The following LARGE1 variants were observed in gnomAD, a reference collection of about 807,000 sequenced individuals.
LARGE1 encodes the protein LARGE xylosyl- and glucuronyltransferase 1.
LARGE1 carries 43 observed loss-of-function variants against 87.6 expected under a neutral mutation model. The observed-to-expected ratio is 0.49, with a 90% CI of 0.38 to 0.63. The LOEUF is 0.63. Among genes scored for constraint, LARGE1 ranks in the 30% least tolerant of loss-of-function variants. The pLI is 0.00. For missense variants in LARGE1, 802 were observed against 1,000.2 expected (o/e 0.80, Z 2.67); for synonymous variants, 434 against 394.6 (o/e 1.10, Z -1.18).
At chr22:33,881,969 A>G (rs2146762063) in intron 1 of LARGE1, among the ~76,000 whole-genome samples, 1 of 152,134 alleles carries the variant, frequency 6.6e-6, no homozygotes, top group East Asian at 1.9e-4. Context: ...AGAGGAGAGG[A>G]GGTACTAACA....
At chr22:33,592,981 A>G (rs2148927525) in intron 5 of LARGE1, among the ~76,000 whole-genome samples, 1 of 152,210 alleles carries the variant, frequency 6.6e-6, no homozygotes, top group South Asian at 2.1e-4. Context: ...CTGGGACTAG[A>G]GGTGCCCACC....
At chr22:33,288,492 C>T (rs1311273884) in intron 12 of LARGE1, among the ~76,000 whole-genome samples, 1 of 152,158 alleles carries the variant, frequency 6.6e-6, no homozygotes, top group Non-Finnish European at 1.5e-5. Flanking sequence ...CATATTGATA[C>T]ATATATTACT....
In LARGE1 at chr22:33,432,035, C is replaced by A. The variant is rs2067098042; in HGVS notation, c.892+126G>T. The A allele has an allele frequency of 5.3e-6, 4 of 758,806 alleles. No individual in the cohort carries two copies. In the African/African-American group the frequency reaches 6.9e-5, roughly 13 times the overall value. The allele number at this position is 758,806 out of a possible 1,614,324, so 47.0% of individuals were successfully genotyped here. Reference sequence around the variant, plus strand: ...GGAATGCAAACTGCCCACAAACCATCCACCACTGAATTCAAGCAATCAGGT... The same window carrying A: ...GGAATGCAAACTGCCCACAAACCATACACCACTGAATTCAAGCAATCAGGT... On this transcript the variant is annotated intron_variant, in intron 7 of 14. Coordinates refer to ENST00000397394, the MANE Select transcript of LARGE1 (RefSeq NM_133642.5).
the LARGE1 span, among the ~76,000 whole-genome samples, chr22:33,147,874 A>C: frequency 1.3e-5 from 2 of 152,208 alleles, no homozygotes; most frequent in African/African-American, 4.8e-5. Flanking sequence ...AACAAAGCAA[A>C]TCTATTCCAT....
At chr22:33,889,806 T>TCATA (rs1458559885) in intron 1 of LARGE1, among the ~76,000 whole-genome samples, 2 of 152,204 alleles carry the variant, frequency 1.3e-5, no homozygotes, top group African/African-American at 4.8e-5. Context: ...ATTCATTCAT[T>TCATA]CATAACTTTC....
intron 7 of LARGE1, among the ~76,000 whole-genome samples, chr22:33,419,314 G>C (rs1412104924): frequency 6.6e-6 from 1 of 151,810 alleles, no homozygotes; most frequent in Non-Finnish European, 1.5e-5. Flanking sequence ...ATGAGATCTG[G>C]GTGGAGACAC....
At chr22:33,162,195 C>T (rs1306086874), downstream of LARGE1, 1 of 152,126 alleles carries the variant, frequency 6.6e-6, no homozygotes, top group Non-Finnish European at 1.5e-5. Context: ...TCCATTCTCA[C>T]ACTGCTATAA....
chr22:33,280,983 C>T (rs971296086), intron 13 of LARGE1, among the ~76,000 whole-genome samples: 1 of 152,202 alleles, frequency 6.6e-6, no homozygotes, highest in African/African-American at 2.4e-5. Context: ...AGCCACCGCC[C>T]TAGAGGACTT....
chr22:33,448,127 C>A (rs1038004967), intron 6 of LARGE1, among the ~76,000 whole-genome samples: 1 of 151,994 alleles, frequency 6.6e-6, no homozygotes, highest in African/African-American at 2.4e-5. Flanking sequence ...TTGGTGGGTT[C>A]GCGGTGTTTT....
intron 11 of LARGE1, among the ~76,000 whole-genome samples, chr22:33,235,661 T>C (rs530992021): frequency 1.3e-5 from 2 of 152,208 alleles, no homozygotes; most frequent in African/African-American, 4.8e-5. Context: ...CCTCTCCGGG[T>C]GGCATGGACT....
intron 11 of LARGE1, among the ~76,000 whole-genome samples, chr22:33,217,968 C>T (rs934789474): frequency 2.6e-5 from 4 of 151,310 alleles, no homozygotes; most frequent in African/African-American, 7.3e-5. Context: ...CTCACTCTGT[C>T]GCCCAGGCTG....
chr22:33,818,757 T>C (rs1191680492), intron 1 of LARGE1, among the ~76,000 whole-genome samples: 1 of 152,114 alleles, frequency 6.6e-6, no homozygotes, highest in Non-Finnish European at 1.5e-5. Flanking sequence ...TTTTTGTTGG[T>C]TGTTAAACAC....
chr22:33,475,612 C>T (rs1216387706), intron 6 of LARGE1, among the ~76,000 whole-genome samples: 1 of 151,976 alleles, frequency 6.6e-6, no homozygotes, highest in African/African-American at 2.4e-5. Flanking sequence ...CAGGCATGCA[C>T]CACGACACCT....
chr22:33,329,356 A>C (rs1204907814), intron 10 of LARGE1, among the ~76,000 whole-genome samples: 3 of 152,012 alleles, frequency 2.0e-5, no homozygotes, highest in Admixed American at 6.6e-5. Context: ...ATGTTTCATA[A>C]TCTAGCTTTT....
chr22:33,643,357 A>T (rs1021789750), intron 3 of LARGE1, among the ~76,000 whole-genome samples: 4 of 152,248 alleles, frequency 2.6e-5, no homozygotes, highest in Middle Eastern at 3.2e-3. Context: ...ATGAGAACAA[A>T]GACACAACAT....
At chr22:33,870,609 C>T (rs1273907923) in intron 1 of LARGE1, among the ~76,000 whole-genome samples, 1 of 152,098 alleles carries the variant, frequency 6.6e-6, no homozygotes, top group Non-Finnish European at 1.5e-5. Flanking sequence ...CGTTCTGTTG[C>T]CCAGGCTGGA....
At chr22:33,303,570 T>C (rs1376782717) in intron 12 of LARGE1, among the ~76,000 whole-genome samples, 1 of 152,184 alleles carries the variant, frequency 6.6e-6, no homozygotes, top group Non-Finnish European at 1.5e-5. Flanking sequence ...TCTTGGGTTA[T>C]ATGAAGGTTG....
intron 11 of LARGE1, among the ~76,000 whole-genome samples, chr22:33,226,571 C>T (rs1925743862): frequency 1.3e-5 from 2 of 152,158 alleles, no homozygotes; most frequent in Non-Finnish European, 2.9e-5. Flanking sequence ...GACAAGAATC[C>T]TCCTTTTAAA....
chr22:33,399,930 T>A (rs1337075454), intron 7 of LARGE1, among the ~76,000 whole-genome samples: 1 of 152,182 alleles, frequency 6.6e-6, no homozygotes, highest in Non-Finnish European at 1.5e-5. Context: ...TTTTCCAGAT[T>A]TGGACAGATT....
Sources: allele counts gnomAD v4.1 joint callset (sites outside exome capture counted in the v4.1 genomes callset), GRCh38; gene constraint gnomAD v4.1.1; transcripts MANE v1.5; gene names NCBI Gene and HGNC (gene_info 2026-07-23, HGNC 2026-07-21).